Variants in LRGUK observed in about 807,000 individuals in gnomAD.
LRGUK encodes leucine-rich repeat and guanylate kinase domain-containing protein.
LRGUK carries 65 observed loss-of-function variants against 76.0 expected under a neutral mutation model. That is an observed-to-expected ratio of 0.85 (90% CI 0.70 to 1.05). The LOEUF (loss-of-function observed/expected upper bound fraction) is 1.05. LRGUK is among the 50% of genes least tolerant of loss of function. The pLI, the probability that LRGUK is intolerant of heterozygous loss-of-function variation, is 0.00. For missense variants in LRGUK, 758 were observed against 732.8 expected (o/e 1.03, Z -0.40); for synonymous variants, 268 against 265.6 (o/e 1.01, Z -0.09).
intron 12 of LRGUK, among the ~76,000 whole-genome samples, chr7:134,195,877 G>A (rs1004268002): frequency 7.2e-5 from 11 of 152,152 alleles, no homozygotes; most frequent in African/African-American, 2.7e-4. Flanking sequence ...TATGGGGGAT[G>A]TGGATCTTCC....
chr7:134,185,212 C>A (rs919406229), intron 11 of LRGUK, among the ~76,000 whole-genome samples: 3 of 151,884 alleles, frequency 2.0e-5, no homozygotes, highest in Admixed American at 1.3e-4. Flanking sequence ...AACAAAAAAC[C>A]AAAAACAAAC....
chr7:134,226,477 G>T (rs974294246), intron 16 of LRGUK, among the ~76,000 whole-genome samples: 1 of 152,148 alleles, frequency 6.6e-6, no homozygotes, highest in Non-Finnish European at 1.5e-5. Context: ...TTTTGTGTGT[G>T]TCTTAAGGAA....
At chr7:134,177,665 G>A (rs907957660) in intron 9 of LRGUK, among the ~76,000 whole-genome samples, 1 of 152,084 alleles carries the variant, frequency 6.6e-6, no homozygotes, top group East Asian at 1.9e-4. Flanking sequence ...CTCTACTAAT[G>A]AGGGATTTCT....
chr7:134,164,817 CT>C (rs1798901596), intron 7 of LRGUK, among the ~76,000 whole-genome samples: 1 of 152,134 alleles, frequency 6.6e-6, no homozygotes, highest in Admixed American at 6.5e-5. Flanking sequence ...GTTATTAGTC[CT>C]GGGAACAGAG....
intron 1 of LRGUK, among the ~76,000 whole-genome samples, chr7:134,135,442 T>C (rs1451000594): frequency 6.6e-6 from 1 of 152,192 alleles, no homozygotes; most frequent in East Asian, 1.9e-4. Context: ...AGCCTTTCCC[T>C]GTGTTTGCTG....
intron 5 of LRGUK, among the ~76,000 whole-genome samples, chr7:134,150,049 G>A (rs1045690691): frequency 2.0e-5 from 3 of 152,142 alleles, no homozygotes; most frequent in Non-Finnish European, 4.4e-5. Flanking sequence ...GCCAAGGCGG[G>A]CAGATCACGA....
At chr7:134,165,565 T>C (rs776851717) in intron 7 of LRGUK, among the ~76,000 whole-genome samples, 7 of 152,228 alleles carry the variant, frequency 4.6e-5, no homozygotes, top group Admixed American at 3.9e-4. Context: ...GTGACATTAA[T>C]TTTAATAATG....
chr7:134,153,004 GAC>G lies in LRGUK; in HGVS notation c.670+4689_670+4690del, dbSNP rs561269031. Among the ~76,000 whole-genome samples the G allele has an allele frequency of 3.3e-4, 50 of 152,188 alleles. No individual in the cohort carries two copies. The South Asian group carries it at 9.9e-3, about 30-fold the overall frequency. On this transcript the variant is annotated intron_variant, in intron 5 of 15. Coordinates refer to ENST00000645682, the Ensembl canonical transcript of LRGUK. Reference sequence around the variant, plus strand: ...GCATAGTTACTGTCTCTGGGAAGGAGACACAGGGTAGATTTAAGTTGTTAATT... The same window carrying G: ...GCATAGTTACTGTCTCTGGGAAGGAGACAGGGTAGATTTAAGTTGTTAATT...
intron 19 of LRGUK, among the ~76,000 whole-genome samples, chr7:134,261,626 C>G (rs1802731077): frequency 6.6e-6 from 1 of 152,198 alleles, no homozygotes; most frequent in South Asian, 2.1e-4. Context: ...CTAGTCAAAT[C>G]TCTGTAGTGG....
At chr7:134,236,213 A>G (rs1802011385) in intron 16 of LRGUK, among the ~76,000 whole-genome samples, 2 of 152,198 alleles carry the variant, frequency 1.3e-5, no homozygotes, top group South Asian at 2.1e-4. Context: ...CAGTCACTCC[A>G]GAAGCCCTTC....
intron 2 of LRGUK, 83 bp from the exon 3 acceptor site, chr7:134,139,349 ATTTC>A: frequency 1.2e-6 from 1 of 816,800 alleles, no homozygotes. Flanking sequence ...GAAATTCTGG[ATTTC>A]TTTCCATCAA....
chr7:134,178,763 A>C (rs1224344046), intron 10 of LRGUK, among the ~76,000 whole-genome samples, 154 bp downstream of exon 10: 2 of 151,800 alleles, frequency 1.3e-5, no homozygotes, highest in African/African-American at 2.4e-5. Flanking sequence ...TTTATTTGAT[A>C]GACAATATTG....
At chr7:134,184,491 G>A (rs772833261) in intron 11 of LRGUK, among the ~76,000 whole-genome samples, 1 of 151,984 alleles carries the variant, frequency 6.6e-6, no homozygotes, top group African/African-American at 2.4e-5. Context: ...GGATAGTCTC[G>A]ATCTCCTGAC....
chr7:134,194,601 T>C (rs541711792), intron 12 of LRGUK, among the ~76,000 whole-genome samples: 202 of 152,046 alleles, frequency 1.3e-3, no homozygotes, highest in African/African-American at 4.8e-3. Context: ...ATTAGCCTGG[T>C]GTAGGGGTTC....
intron 11 of LRGUK, among the ~76,000 whole-genome samples, chr7:134,187,500 G>A (rs1800025651): frequency 1.3e-5 from 2 of 152,120 alleles, no homozygotes; most frequent in South Asian, 4.1e-4. Flanking sequence ...TGCATATCCA[G>A]ATATATAAAT....
At chr7:134,209,289 A>C (rs1276801241) in exon 16 of LRGUK, 1 of 399,200 alleles carries the variant, frequency 2.5e-6, no homozygotes, top group Non-Finnish European at 4.4e-6. Context: ...CAGGATGAGG[A>C]AATTGAGTCA....
At chr7:134,205,394 C>T (rs1377124156) in intron 15 of LRGUK, among the ~76,000 whole-genome samples, 1 of 152,120 alleles carries the variant, frequency 6.6e-6, no homozygotes, top group East Asian at 1.9e-4. Flanking sequence ...AGGAAGGGAC[C>T]CAGAGTCCCA....
rs74671983 is a variant in LRGUK, at chr7:134,237,854, T to G, written c.1984-9702T>G. Among the ~76,000 whole-genome samples, 47 of 152,314 alleles carry G rather than the reference T, an allele frequency of 3.1e-4. No individual in the cohort carries two copies. In the East Asian group the frequency reaches 7.7e-3, roughly 25 times the overall value. Reference sequence around the variant, plus strand: ...TTTCAAGATTTTTACTTAAGTTTTTTTCTATTATGTATTTCTCTTTCTTCC... The same window carrying G: ...TTTCAAGATTTTTACTTAAGTTTTTGTCTATTATGTATTTCTCTTTCTTCC... On this transcript the variant is annotated intron_variant, in intron 16 of 19. Transcript: ENST00000285928.
chr7:134,176,601 CG>C (rs1438827073), intron 8 of LRGUK, among the ~76,000 whole-genome samples: 4 of 152,166 alleles, frequency 2.6e-5, no homozygotes, highest in Middle Eastern at 3.4e-3. Flanking sequence ...AGGATGTTCT[CG>C]ATCTCCTGAT....
Sources: gnomAD v4.1 joint callset for allele counts (sites outside exome capture counted in the v4.1 genomes callset) on GRCh38, gnomAD v4.1.1 for gene constraint, MANE v1.5 for transcripts, NCBI Gene and HGNC (gene_info 2026-07-23, HGNC 2026-07-21) for gene names.